The following GGNBP2 variants were observed in gnomAD, a reference collection of about 807,000 sequenced individuals.
GGNBP2 encodes the protein gametogenetin binding protein 2.
GGNBP2 carries 10 observed loss-of-function variants against 85.9 expected under a neutral mutation model. That is an observed-to-expected ratio of 0.12 (90% CI 0.07 to 0.20). The LOEUF is 0.20. Ranked by LOEUF, GGNBP2 falls within the 10% of genes least tolerant of loss-of-function variation. The pLI is 1.00. For synonymous variants in GGNBP2, 287 were observed against 285.7 expected, an observed-to-expected ratio of 1.00 and a Z score of -0.05; for missense variants, 595 against 857.8, an observed-to-expected ratio of 0.69 and a Z score of 3.83.
chr17:36,585,803 G>A (rs758154726), intron 10 of GGNBP2, 37 bp from the exon 11 acceptor site: 3 of 1,582,066 alleles, frequency 1.9e-6, no homozygotes, highest in Admixed American at 1.7e-5. Context: ...ATACTTATTG[G>A]TATGTTAATA....
chr17:36,577,697 A>C, intron 6 of GGNBP2: 1 of 437,746 alleles, frequency 2.3e-6, no homozygotes, highest in Non-Finnish European at 4.2e-6. Context: ...GGCAACTAAT[A>C]CTTTTCTGGG....
intron 2 of GGNBP2, among the ~76,000 whole-genome samples, chr17:36,548,871 A>C (rs1440406162): frequency 6.7e-6 from 1 of 148,160 alleles, no homozygotes; most frequent in Non-Finnish European, 1.5e-5. Flanking sequence ...TTGAACCCCC[A>C]GAGGCGGAGG....
At chr17:36,548,297 G>A (rs997807517) in intron 2 of GGNBP2, among the ~76,000 whole-genome samples, 5 of 152,092 alleles carry the variant, frequency 3.3e-5, no homozygotes, top group African/African-American at 9.7e-5. Context: ...CTTGTAAAAT[G>A]AAATTAACAA....
chr17:36,558,615 T>G (rs1000515130), intron 4 of GGNBP2, among the ~76,000 whole-genome samples: 1 of 151,120 alleles, frequency 6.6e-6, no homozygotes, highest in Non-Finnish European at 1.5e-5. Context: ...ACTACCACGC[T>G]TGACTTTTTT....
intron 2 of GGNBP2, among the ~76,000 whole-genome samples, chr17:36,551,215 T>C (rs139136505): frequency 4.0e-4 from 61 of 152,288 alleles, no homozygotes; most frequent in African/African-American, 1.4e-3. Flanking sequence ...TTGACTTTTT[T>C]TTTTTTTTGA....
chr17:36,579,520 T>G, intron 8 of GGNBP2, 101 bp downstream of exon 8: 1 of 969,574 alleles, frequency 1.0e-6, no homozygotes, highest in Non-Finnish European at 1.6e-6. Context: ...TGTCCATCAC[T>G]GATAGAGCTT....
In GGNBP2 at chr17:36,545,794, C is replaced by T. The variant is rs891465470; in HGVS notation, c.70C>T (p.Leu24Phe). 8 of 1,572,170 alleles carry T rather than the reference C, an allele frequency of 5.1e-6. No homozygotes were observed. The highest frequency in any genetic ancestry group is 6.9e-6 in the Non-Finnish European group (8 of 1,159,184). The change falls in exon 2 of 14, where the codon CTC becomes TTC. Residue 24 changes from leucine (L) to phenylalanine (F), a missense_variant. Around this residue, in one of 9 missense-constraint regions of GGNBP2, gnomAD observed 216 missense variants for 293.4 expected, o/e 0.74. Coordinates refer to ENST00000613102, the MANE Select transcript of GGNBP2 (RefSeq NM_024835.5). ...EFPFERRQIP[L>F]YIDDTLTMVM... is the part of the protein sequence containing the mutation. The stretch of plus-strand genomic sequence containing the variant: ...CCCCTTCGAGAGGAGGCAGATTCCC[C>T]TCTACATAGACGACACCCTGACGGT...
chr17:36,575,648 A>ATATATATATATATATATATTTT (rs374366757), intron 6 of GGNBP2, among the ~76,000 whole-genome samples: 2 of 54,914 alleles, frequency 3.6e-5, no homozygotes, highest in Non-Finnish European at 5.7e-5. Flanking sequence ...ATATATATAT[A>ATATATATATATATATATATTTT]TTTTTTTTTT....
chr17:36,586,520 G>A (rs2142791055), intron 12 of GGNBP2: 1 of 331,090 alleles, frequency 3.0e-6, no homozygotes, highest in East Asian at 6.1e-5. Context: ...ATGTATATTG[G>A]CAGGTGTGGC....
intron 4 of GGNBP2, among the ~76,000 whole-genome samples, chr17:36,557,945 C>T (rs1263939382): frequency 6.6e-6 from 1 of 151,810 alleles, no homozygotes; most frequent in Non-Finnish European, 1.5e-5. Context: ...AACCCCATCT[C>T]TACTAAAAAT....
chr17:36,584,324 A>C (rs1032641560), intron 9 of GGNBP2, among the ~76,000 whole-genome samples: 2 of 152,164 alleles, frequency 1.3e-5, no homozygotes, highest in Non-Finnish European at 2.9e-5. Context: ...CTTTAAGCAT[A>C]CTTCCCATTT....
Position 36,578,047 on chromosome 17 carries a change from T to C in GGNBP2, c.706T>C (p.Cys236Arg), listed in dbSNP as rs751342465. The C allele has an allele frequency of 6.2e-7, 1 of 1,614,214 alleles. No homozygotes were observed. Among genetic ancestry groups the C allele is most frequent in the Non-Finnish European group, 8.5e-7 (1 of 1,180,034 alleles). The change falls in exon 7 of 14, where the codon TGC becomes CGC. Residue 236 changes from cysteine to arginine, a missense_variant. Coordinates refer to ENST00000613102, the MANE Select transcript of GGNBP2 (RefSeq NM_024835.5). ...CAATATCCTTATTGGTGAACTTGAC[T>C]GCAGCAAAGAAAAGGGCTACTGTGC... ...AYNILIGELD[C>R]SKEKGYCAAL... is the part of the protein sequence containing the mutation.
chr17:36,577,605 CAA>C, intron 6 of GGNBP2: 2 of 264,492 alleles, frequency 7.6e-6, no homozygotes, highest in South Asian at 3.9e-5. Context: ...ACAAACCAAT[CAA>C]GAGTCATTGG....
Position 36,581,417 on chromosome 17 carries a change from T to C in GGNBP2, c.1094T>C (p.Val365Ala). 6.2e-7 allele frequency: 1 copy of C among 1,612,908 alleles called. No individual in the cohort carries two copies. Among genetic ancestry groups the C allele is most frequent in the Non-Finnish European group, 8.5e-7 (1 of 1,179,488 alleles). Residue 365 changes from valine to alanine, a missense_variant, in exon 9 of 14, where the codon GTA (valine) becomes GCA (alanine). By Grantham distance (64) the Val-to-Ala change is moderately conservative. Around this residue, in one of 9 missense-constraint regions of GGNBP2, gnomAD observed 92 missense variants for 183.9 expected, o/e 0.50. Transcript: ENST00000613102. Reference sequence around the variant, plus strand: ...GAGGAATTTTCAGAAGAGGAACGAGTAAGAGAACTCAAGCAAGAAAAGAAA... The same window carrying C: ...GAGGAATTTTCAGAAGAGGAACGAGCAAGAGAACTCAAGCAAGAAAAGAAA... ...LCEEFSEEER[V>A]RELKQEKKRQ...
At chr17:36,558,414 CAAAAAAAAAAAAA>C (rs755597241) in intron 4 of GGNBP2, among the ~76,000 whole-genome samples, 2 of 18,966 alleles carry the variant, frequency 1.1e-4, no homozygotes, top group South Asian at 4.8e-3. Flanking sequence ...AGCTCCATCT[CAAAAAAAAAAAAA>C]AAAAAAAAAA....
chr17:36,585,681 A>T, intron 10 of GGNBP2, 159 bp from the exon 11 acceptor site: 1 of 658,152 alleles, frequency 1.5e-6, no homozygotes, highest in Non-Finnish European at 2.5e-6. Context: ...TCATTATTTA[A>T]TTTACTTTCT....
intron 6 of GGNBP2, chr17:36,574,701 G>A (rs747951464): frequency 1.6e-6 from 1 of 633,462 alleles, no homozygotes. Flanking sequence ...GCCATCATAA[G>A]CAGCTTCTTG....
At position 36,576,775 on chromosome 17, in the gene GGNBP2, TC is replaced by T. The variant is rs1480949595; in HGVS notation, c.642-1207del. 2.0e-5 allele frequency: 3 copies of T among 151,330 alleles called. No individual in the cohort carries two copies. In the East Asian group the frequency reaches 5.8e-4, roughly 29 times the overall value. 9.4% of individuals were successfully genotyped at this position (151,330 alleles called of 1,614,324 possible). A position where few individuals can be genotyped will look rare whatever the true frequency, so the allele number is the denominator to read the frequency against. The stretch of plus-strand genomic sequence containing the variant: ...AAGAATGAATACTAGTTGGCTCTAC[TC>T]AATAGGAAGACCCAGGGAGAAGTTG... On this transcript the variant is annotated intron_variant, in intron 6 of 13. Transcript: ENST00000613102.
chr17:36,562,253 G>A (rs2074424808), intron 5 of GGNBP2, among the ~76,000 whole-genome samples: 1 of 152,086 alleles, frequency 6.6e-6, no homozygotes, highest in South Asian at 2.1e-4. Flanking sequence ...TGCAACCTCT[G>A]CCTCTTGGGT....
Sources: gnomAD v4.1 joint callset for allele counts (sites outside exome capture counted in the v4.1 genomes callset) on GRCh38, gnomAD v4.1.1 for gene constraint, gnomAD v4.1.1 regional missense constraint, MANE v1.5 for transcripts, NCBI Gene and HGNC (gene_info 2026-07-23, HGNC 2026-07-21) for gene names.